BTN2A1: variants seen among roughly 807,000 people sequenced by gnomAD.
BTN2A1 encodes butyrophilin, subfamily 2, member A1.
A neutral mutation model predicts 34.5 loss-of-function variants in BTN2A1; 41 were observed. The ratio of observed to expected loss-of-function variants is 1.19; its 90% CI spans 0.93 to 1.54. BTN2A1 has a LOEUF of 1.54. Ranked by LOEUF, BTN2A1 falls within the 40% of genes most tolerant of loss-of-function variation. The pLI, the probability that BTN2A1 is intolerant of heterozygous loss-of-function variation, is 0.00. For missense variants in BTN2A1, 642 were observed against 662.0 expected, an observed-to-expected ratio of 0.97 and a Z score of 0.33; for synonymous variants, 267 against 258.6, an observed-to-expected ratio of 1.03 and a Z score of -0.31.
At chr6:26,464,401 G>T (rs912461249) in intron 4 of BTN2A1, among the ~76,000 whole-genome samples, 1 of 152,174 alleles carries the variant, frequency 6.6e-6, no homozygotes, top group Non-Finnish European at 1.5e-5. Flanking sequence ...CTATCAGATG[G>T]TAATGAACAT....
At position 26,458,678 on chromosome 6, in the gene BTN2A1, C is replaced by T. The variant is rs756497385; in HGVS notation, c.42C>T (p.Ser14=). Residue 14 remains serine, a synonymous_variant, in exon 2 of 8, where the codon TCC becomes TCT. Coordinates refer to ENST00000312541, the MANE Select transcript of BTN2A1 (RefSeq NM_007049.5). ...AAALHFSRPA[S]LLLLLLSLCA... The stretch of plus-strand genomic sequence containing the variant: ...CCCTGCACTTCTCCCGGCCAGCCTC[C>T]CTCCTCCTCCTCCTCCTCAGCCTGT... 1.3e-6 allele frequency: 2 copies of T among 1,537,180 alleles called. No individual in the cohort carries two copies. Among genetic ancestry groups the T allele is most frequent in the Non-Finnish European group, 1.8e-6 (2 of 1,131,226 alleles).
chr6:26,467,803 C>G (rs1359263103), intron 7 of BTN2A1, 145 bp from the exon 8 acceptor site: 19 of 1,563,924 alleles, frequency 1.2e-5, no homozygotes, highest in Non-Finnish European at 2.6e-6. Context: ...AGTGTGTGAG[C>G]TGCCTAGGAT....
chr6:26,464,742 A>T (rs1312535747), intron 4 of BTN2A1, among the ~76,000 whole-genome samples: 2 of 152,212 alleles, frequency 1.3e-5, no homozygotes, highest in African/African-American at 4.8e-5. Flanking sequence ...AGCCACAAAC[A>T]GTCTTTGGTT....
At position 26,459,592 on chromosome 6, in the gene BTN2A1, G is replaced by A. The variant is rs371944335; in HGVS notation, c.194G>A (p.Arg65Gln). ...PEKNAEDMEVRWFRSQFSPAV... is the reference protein window; with the variant it reads ...PEKNAEDMEVQWFRSQFSPAV... ...AAAAATGCTGAGGACATGGAGGTGC[G>A]GTGGTTCCGGTCTCAGTTCTCCCCC... is the stretch of plus-strand genomic sequence containing the variant. The change falls in exon 3 of 8, where the codon CGG becomes CAG. Residue 65 changes from arginine (R) to glutamine (Q), a missense_variant. Arg to Gln is a conservative substitution (Grantham distance 43). Coordinates refer to ENST00000312541, the MANE Select transcript of BTN2A1 (RefSeq NM_007049.5). The A allele has an allele frequency of 2.3e-5, 37 of 1,613,916 alleles. No individual in the cohort carries two copies. The highest frequency in any genetic ancestry group is 1.6e-4 in the Middle Eastern group (1 of 6,084).
At chr6:26,458,170 C>T (rs1763057387) in intron 1 of BTN2A1, 28 bp downstream of exon 1, 1 of 168,196 alleles carries the variant, frequency 5.9e-6, no homozygotes, top group African/African-American at 2.4e-5. Context: ...GGCGCTACAG[C>T]TCCGGGGTGG....
In BTN2A1 at chr6:26,469,094, G is replaced by C. The variant is rs1038177332; in HGVS notation, c.*545G>C. 1.8e-6 allele frequency: 2 copies of C among 1,099,394 alleles called. No individual in the cohort carries two copies. The highest frequency in any genetic ancestry group is 2.2e-6 in the Non-Finnish European group (2 of 896,370). The allele number at this position is 1,099,394 out of a possible 1,614,324, so 68.1% of individuals were successfully genotyped here. ...CCATAACAGCTAAGGGGACCTGGGA[G>C]ATGATGGCTCATTTCCACCCAGCCC... On this transcript the variant is annotated 3_prime_UTR_variant, in exon 8 of 8. Coordinates refer to ENST00000312541, the MANE Select transcript of BTN2A1 (RefSeq NM_007049.5).
chr6:26,463,588 C>G, intron 4 of BTN2A1, 63 bp downstream of exon 4: 1 of 1,549,594 alleles, frequency 6.5e-7, no homozygotes, highest in East Asian at 2.2e-5. Flanking sequence ...ACAGATGGAG[C>G]CCAGAACGGG....
rs1763398511 is a variant in BTN2A1 at position 26,468,849 on chromosome 6, C to CTGTTTAA, written c.*301_*307dup. Reference sequence around the variant, plus strand: ...GAGAAGTTGATGGGCAGCAAACCTGCTGTTTAACATCAGGGTGACCACATT... The same window carrying CTGTTTAA: ...GAGAAGTTGATGGGCAGCAAACCTGCTGTTTAATGTTTAACATCAGGGTGACCACATT... On this transcript the variant is annotated 3_prime_UTR_variant, in exon 8 of 8. Coordinates refer to ENST00000312541, the MANE Select transcript of BTN2A1 (RefSeq NM_007049.5). The CTGTTTAA allele has an allele frequency of 6.7e-7, 1 of 1,493,032 alleles. No individual in the cohort carries two copies. The highest frequency in any genetic ancestry group is 1.8e-5 in the Admixed American group (1 of 56,218). 92.5% of individuals were successfully genotyped at this position (1,493,032 alleles called of 1,614,324 possible).
chr6:26,466,204 G>A, intron 7 of BTN2A1, 116 bp downstream of exon 7: 1 of 1,509,010 alleles, frequency 6.6e-7, no homozygotes, highest in Non-Finnish European at 9.2e-7. Context: ...GCAGGGAACG[G>A]GGGTCAGTTC....
At chr6:26,462,857 A>G in intron 3 of BTN2A1, 1 of 1,280,544 alleles carries the variant, frequency 7.8e-7, no homozygotes, top group Non-Finnish European at 1.0e-6. Context: ...GAAATCCAAA[A>G]CCTGCCTGTT....
intron 7 of BTN2A1, chr6:26,476,032 T>A (rs1461038618): frequency 1.1e-6 from 1 of 918,722 alleles, no homozygotes. Context: ...AGTTGAAAGA[T>A]TTTTTTTTAG....
intron 7 of BTN2A1, among the ~76,000 whole-genome samples, chr6:26,475,539 TG>T (rs1561876581): frequency 6.6e-6 from 1 of 152,176 alleles, no homozygotes; most frequent in East Asian, 1.9e-4. Context: ...CTGTCACATT[TG>T]GGGGCATTTT....
At chr6:26,467,740 G>A (rs768685574) in intron 7 of BTN2A1, 5 of 1,592,814 alleles carry the variant, frequency 3.1e-6, no homozygotes, top group Non-Finnish European at 4.3e-6. Flanking sequence ...TTCTCAAACT[G>A]AGAGAACTGC....
At chr6:26,475,120 A>T (rs1763517004) in intron 7 of BTN2A1, among the ~76,000 whole-genome samples, 1 of 152,204 alleles carries the variant, frequency 6.6e-6, no homozygotes, top group Admixed American at 6.5e-5. Context: ...ATATTCCAAA[A>T]GGTTCTAAAA....
At position 26,465,943 on chromosome 6, in the gene BTN2A1, T is replaced by A; in HGVS notation, c.935-10T>A. ...TGTCAAAGACATGATTTTCTTTGTT[T>A]GTTTTTCAGAGAAACTTCAAGAAGA... On this transcript the variant is annotated splice_polypyrimidine_tract_variant and intron_variant, in intron 5 of 7. Transcript: ENST00000312541. The A allele has an allele frequency of 1.2e-6, 2 of 1,614,214 alleles. No homozygotes were observed. The highest frequency in any genetic ancestry group is 1.7e-6 in the Non-Finnish European group (2 of 1,180,018).
At chr6:26,463,940 A>G (rs781757301) in intron 4 of BTN2A1, among the ~76,000 whole-genome samples, 3 of 152,080 alleles carry the variant, frequency 2.0e-5, no homozygotes, top group African/African-American at 7.2e-5. Flanking sequence ...GGCTAGGACT[A>G]CAGGCACACG....
chr6:26,458,518 A>C, intron 1 of BTN2A1, 89 bp from the exon 2 acceptor site: 1 of 1,055,686 alleles, frequency 9.5e-7, no homozygotes, highest in South Asian at 1.3e-5. Context: ...TGGGGCACTG[A>C]TGAGACCTAC....
Position 26,465,950 on chromosome 6 carries a change from CAG to C in BTN2A1, c.936_937del, listed in dbSNP as rs756244561. 1 of 1,614,162 alleles carries C rather than the reference CAG, an allele frequency of 6.2e-7. No homozygotes were observed. Among genetic ancestry groups the C allele is most frequent in the East Asian group, 2.2e-5 (1 of 44,892 alleles). On this transcript the variant is annotated splice_acceptor_variant, in intron 5 of 7. Coordinates refer to ENST00000312541, the MANE Select transcript of BTN2A1 (RefSeq NM_007049.5). LOFTEE classifies it high-confidence loss of function. Reference sequence around the variant, plus strand: ...GACATGATTTTCTTTGTTTGTTTTTCAGAGAAACTTCAAGAAGAATTGCGTAA... The same window carrying C: ...GACATGATTTTCTTTGTTTGTTTTTCAGAAACTTCAAGAAGAATTGCGTAA...
Position 26,468,023 on chromosome 6 carries a change from GC to G in BTN2A1, c.1062del (p.Phe355SerfsTer4). ...GAGGACCGGAGAAGTGTGAGAAGGT[GC>G]CCCTTCAGGCACCTAGGGGAGAGCG... Reference protein sequence around the residue: ...LSEDRRSVRRCPFRHLGESVP... With the variant: ...LSEDRRSVRRXPFRHLGESVP... On this transcript the variant is annotated frameshift_variant, in exon 8 of 8. Transcript: ENST00000312541. LOFTEE classifies it low-confidence loss of function (END_TRUNC). 6.2e-7 allele frequency: 1 copy of G among 1,614,248 alleles called. No individual in the cohort carries two copies. Among genetic ancestry groups the G allele is most frequent in the East Asian group, 2.2e-5 (1 of 44,876 alleles).
Sources: allele counts gnomAD v4.1 joint callset (sites outside exome capture counted in the v4.1 genomes callset), GRCh38; gene constraint gnomAD v4.1.1; transcripts MANE v1.5; gene names NCBI Gene and HGNC (gene_info 2026-07-23, HGNC 2026-07-21).